Variants in XRN1 observed in about 807,000 individuals in gnomAD.
The protein encoded by XRN1 is 5'-3' exoribonuclease 1.
Under a neutral mutation model 222.3 loss-of-function variants are expected in XRN1, and 67 were observed. That is an observed-to-expected ratio of 0.30 (90% CI 0.25 to 0.37). The LOEUF (loss-of-function observed/expected upper bound fraction) is 0.37, where lower values mean the gene tolerates loss of function less well. Ranked by LOEUF, XRN1 falls within the 10% of genes least tolerant of loss-of-function variation. The probability of loss-of-function intolerance (pLI) is 1.00; values close to 1 mark genes in which losing one functional copy is unlikely to be tolerated. For missense variants in XRN1, 1,707 were observed against 2,000.2 expected, an observed-to-expected ratio of 0.85 and a Z score of 2.80; for synonymous variants, 643 against 652.4, an observed-to-expected ratio of 0.99 and a Z score of 0.22.
At chr3:142,412,454 TG>T (rs1458233861) in intron 15 of XRN1, 89 bp downstream of exon 15, 1 of 1,380,704 alleles carries the variant, frequency 7.2e-7, no homozygotes, top group Non-Finnish European at 9.5e-7. Context: ...AAAACATAAA[TG>T]GTGATTAAAA....
intron 35 of XRN1, 97 bp from the exon 36 acceptor site, chr3:142,332,631 C>A (rs2065732510): frequency 1.7e-6 from 2 of 1,153,626 alleles, no homozygotes; most frequent in African/African-American, 1.6e-5. Context: ...GAAAGAATTC[C>A]ATTGTTAACA....
chr3:142,421,463 T>C lies in XRN1; in HGVS notation c.1035+13A>G. The C allele has an allele frequency of 6.3e-7, 1 of 1,594,826 alleles. No individual in the cohort carries two copies. The highest frequency in any genetic ancestry group is 2.3e-5 in the East Asian group (1 of 44,162). On this transcript the variant is annotated intron_variant, in intron 9 of 40. Transcript: ENST00000392981. ...ACTCTGCGACAGGAAACCAAAAATT[T>C]CTAGTTACTTACATCTGATAGTTTC...
intron 1 of XRN1, among the ~76,000 whole-genome samples, chr3:142,438,467 C>T (rs560310166): frequency 1.3e-5 from 2 of 152,086 alleles, no homozygotes; most frequent in Non-Finnish European, 2.9e-5. Flanking sequence ...GGTTACGCAC[C>T]CTGGAAAAGA....
intron 32 of XRN1, among the ~76,000 whole-genome samples, chr3:142,352,628 T>C (rs1173555944): frequency 6.6e-6 from 1 of 152,190 alleles, no homozygotes; most frequent in African/African-American, 2.4e-5. Flanking sequence ...TACTGGTTTA[T>C]AAACTTGAAC....
intron 32 of XRN1, among the ~76,000 whole-genome samples, chr3:142,349,866 G>A (rs766079739): frequency 2.6e-5 from 4 of 152,150 alleles, no homozygotes; most frequent in African/African-American, 4.8e-5. Flanking sequence ...AGTAAGAGGG[G>A]TTGCATGTAG....
chr3:142,332,626 AAT>A, intron 35 of XRN1, 92 bp from the exon 36 acceptor site: 3 of 1,228,918 alleles, frequency 2.4e-6, no homozygotes, highest in Non-Finnish European at 3.3e-6. Context: ...TCTTGGAAAG[AAT>A]TCCATTGTTA....
intron 37 of XRN1, among the ~76,000 whole-genome samples, chr3:142,327,540 A>C (rs1033209996): frequency 1.3e-5 from 2 of 151,962 alleles, no homozygotes; most frequent in Non-Finnish European, 2.9e-5. Context: ...TAAAAAAAAA[A>C]AACAACTTTT....
At position 142,307,124 on chromosome 3, in the gene XRN1, CA is replaced by C; in HGVS notation, c.*4386del. The C allele has an allele frequency of 6.6e-6, 1 of 152,056 alleles. No individual in the cohort carries two copies. Among genetic ancestry groups the C allele is most frequent in the Non-Finnish European group, 1.5e-5 (1 of 67,948 alleles). The allele number at this position is 152,056 out of a possible 1,614,324, so 9.4% of individuals were successfully genotyped here. ...AAATATGATACTTAAAGCCAAAAGA[CA>C]AAAAAATCCAAAAAACGAAAACAAC... On this transcript the variant is annotated 3_prime_UTR_variant, in exon 41 of 41. Coordinates refer to ENST00000392981, the MANE Select transcript of XRN1 (RefSeq NM_001282857.2).
At chr3:142,432,241 A>G (rs1245672114) in intron 2 of XRN1, among the ~76,000 whole-genome samples, 1 of 106,656 alleles carries the variant, frequency 9.4e-6, no homozygotes, top group African/African-American at 4.9e-5. Context: ...ATATATATAT[A>G]AAATTTATTT....
At chr3:142,314,977 T>C (rs1308702655) in intron 39 of XRN1, among the ~76,000 whole-genome samples, 9 of 118,824 alleles carry the variant, frequency 7.6e-5, no homozygotes, top group Non-Finnish European at 1.3e-4. Flanking sequence ...TTTTGAGACC[T>C]AGGCTACAGT....
chr3:142,394,911 C>T (rs2067872145), intron 20 of XRN1, among the ~76,000 whole-genome samples: 1 of 152,094 alleles, frequency 6.6e-6, no homozygotes, highest in Non-Finnish European at 1.5e-5. Flanking sequence ...AATAAAACTA[C>T]ATGATTTGGT....
intron 39 of XRN1, among the ~76,000 whole-genome samples, chr3:142,313,412 T>C (rs2065127328): frequency 6.6e-6 from 1 of 152,180 alleles, no homozygotes. Flanking sequence ...AGCCAGACTC[T>C]GAGGGGCCCT....
chr3:142,329,958 T>C (rs965807813), intron 36 of XRN1, among the ~76,000 whole-genome samples: 2 of 152,226 alleles, frequency 1.3e-5, no homozygotes, highest in African/African-American at 2.4e-5. Context: ...ATGAAGCACA[T>C]ATAAACAACT....
At chr3:142,432,266 A>T (rs982819637) in intron 2 of XRN1, among the ~76,000 whole-genome samples, 5 of 122,756 alleles carry the variant, frequency 4.1e-5, no homozygotes, top group East Asian at 2.1e-4. Flanking sequence ...TATATATATA[A>T]AAAATTAGCT....
intron 37 of XRN1, among the ~76,000 whole-genome samples, chr3:142,327,328 T>C (rs2065545735): frequency 6.6e-6 from 1 of 152,092 alleles, no homozygotes; most frequent in Admixed American, 6.6e-5. Context: ...TCAATCTTGG[T>C]ATGTTTTTAT....
At chr3:142,352,441 AT>A (rs1298998152) in intron 32 of XRN1, among the ~76,000 whole-genome samples, 1 of 151,380 alleles carries the variant, frequency 6.6e-6, no homozygotes, top group African/African-American at 2.4e-5. Flanking sequence ...TGTCACCTTA[AT>A]TTTTTTCTTT....
chr3:142,335,558 CAATTAA>C (rs777283235), intron 33 of XRN1, 49 bp from the exon 34 acceptor site: 29 of 1,463,276 alleles, frequency 2.0e-5, no homozygotes, highest in Middle Eastern at 1.7e-4. Flanking sequence ...GTTTACTGCA[CAATTAA>C]AACTACCAAA....
At chr3:142,376,091 T>C (rs2067135978) in intron 24 of XRN1, 147 bp from the exon 25 acceptor site, 1 of 1,329,098 alleles carries the variant, frequency 7.5e-7, no homozygotes, top group South Asian at 1.9e-5. Flanking sequence ...ATTTTAGTTA[T>C]TATGGTTATT....
At position 142,354,272 on chromosome 3, in the gene XRN1, A is replaced by G. The variant is rs557537888; in HGVS notation, c.3768+1129T>C. ...CACCGGTCAGAATGGCTGTCAAAAA[A>G]TAACGGATGCTGGTGAGGCTGTAGA... On this transcript the variant is annotated intron_variant, in intron 32 of 40. Coordinates refer to ENST00000392981, the MANE Select transcript of XRN1 (RefSeq NM_001282857.2). Among the ~76,000 whole-genome samples, 36 of 152,324 alleles carry G rather than the reference A, an allele frequency of 2.4e-4. No homozygotes were observed. In the South Asian group the frequency reaches 5.2e-3, roughly 22 times the overall value.
Sources: allele counts gnomAD v4.1 joint callset (sites outside exome capture counted in the v4.1 genomes callset), GRCh38; gene constraint gnomAD v4.1.1; transcripts MANE v1.5; gene names NCBI Gene and HGNC (gene_info 2026-07-23, HGNC 2026-07-21).